Variants in CTNNBL1 observed in about 807,000 individuals in gnomAD.
CTNNBL1 encodes beta-catenin-like protein 1.
In CTNNBL1, 31 loss-of-function variants were observed where a neutral mutation model predicts 72.7. The observed-to-expected ratio is 0.43, with a 90% CI of 0.32 to 0.58. The LOEUF is 0.58. Among genes scored for constraint, CTNNBL1 ranks in the 20% least tolerant of loss-of-function variants. CTNNBL1 has a pLI of 0.08. For missense variants in CTNNBL1, 534 were observed against 725.1 expected, an observed-to-expected ratio of 0.74 and a Z score of 3.03; for synonymous variants, 240 against 267.3, an observed-to-expected ratio of 0.90 and a Z score of 1.00.
chr20:37,754,969 G>C (rs531702353), intron 4 of CTNNBL1, among the ~76,000 whole-genome samples: 1 of 152,002 alleles, frequency 6.6e-6, no homozygotes, highest in South Asian at 2.1e-4. Context: ...CACCACACCT[G>C]TCTGATTTTT....
Position 37,872,039 on chromosome 20 carries a change from G to T in CTNNBL1, c.*26G>T. ...AGGCACCTTGGCCCTGCGCATCATG[G>T]ACTCTCTCAGCTTCCCTCCCAGGAT... is the stretch of plus-strand genomic sequence containing the variant. On this transcript the variant is annotated 3_prime_UTR_variant, in exon 16 of 16. Coordinates refer to ENST00000361383, the MANE Select transcript of CTNNBL1 (RefSeq NM_030877.5). The T allele has an allele frequency of 1.3e-6, 2 of 1,564,356 alleles. No individual in the cohort carries two copies. The highest frequency in any genetic ancestry group is 1.4e-5 in the African/African-American group (1 of 73,980).
Position 37,712,959 on chromosome 20 carries a change from C to T in CTNNBL1, c.30+18807C>T, listed in dbSNP as rs1294446591. Among the ~76,000 whole-genome samples, 5 of 152,168 alleles carry T rather than the reference C, an allele frequency of 3.3e-5. No individual in the cohort carries two copies. In the East Asian group the frequency reaches 5.8e-4, roughly 18 times the overall value. The stretch of plus-strand genomic sequence containing the variant: ...TTTTAAAAAATGGCTTAAGCACCAC[C>T]GGACCTGGGCAGTTTTTATAAGATT... On this transcript the variant is annotated intron_variant, in intron 1 of 15. Transcript: ENST00000361383.
chr20:37,699,991 C>A (rs760653753), intron 1 of CTNNBL1, among the ~76,000 whole-genome samples: 2 of 152,140 alleles, frequency 1.3e-5, no homozygotes, highest in African/African-American at 4.8e-5. Flanking sequence ...GGATTAAGTA[C>A]GCGACTCTCT....
chr20:37,865,582 C>T (rs1435954217), intron 15 of CTNNBL1, among the ~76,000 whole-genome samples: 1 of 152,174 alleles, frequency 6.6e-6, no homozygotes, highest in East Asian at 1.9e-4. Flanking sequence ...AGGGTTTCCG[C>T]AGGCAGCTAC....
At chr20:37,776,640 A>G (rs1176524033) in intron 7 of CTNNBL1, among the ~76,000 whole-genome samples, 1 of 152,204 alleles carries the variant, frequency 6.6e-6, no homozygotes, top group African/African-American at 2.4e-5. Context: ...CTACCGAAGC[A>G]ACACTGAGGA....
chr20:37,777,404 C>T lies in CTNNBL1; in HGVS notation c.810C>T (p.Leu270=), dbSNP rs760902122. ...GCAGTGAAGTGCTGGCCATATTGCT[C>T]CAGGACAATGATGGTGAGGCGCCCT... The part of the protein sequence containing the change: ...LYCSEVLAIL[L]QDNDENRELL... The change falls in exon 8 of 16, where the codon CTC becomes CTT. Residue 270 remains leucine, a synonymous_variant. Coordinates refer to ENST00000361383, the MANE Select transcript of CTNNBL1 (RefSeq NM_030877.5). 6 of 1,613,780 alleles carry T rather than the reference C, an allele frequency of 3.7e-6. No homozygotes were observed. Among genetic ancestry groups the T allele is most frequent in the Non-Finnish European group, 5.1e-6 (6 of 1,179,746 alleles).
chr20:37,780,774 A>C (rs946637075), intron 10 of CTNNBL1, among the ~76,000 whole-genome samples: 4 of 152,216 alleles, frequency 2.6e-5, no homozygotes, highest in African/African-American at 9.6e-5. Context: ...CTTGGAAACC[A>C]TAACTTTAAG....
At chr20:37,740,689 A>G (rs191098062) in intron 3 of CTNNBL1, among the ~76,000 whole-genome samples, 1 of 152,364 alleles carries the variant, frequency 6.6e-6, no homozygotes, top group Admixed American at 6.5e-5. Flanking sequence ...GGCAAATACA[A>G]GAATAGACAA....
At chr20:37,815,503 A>G (rs1306157780) in intron 11 of CTNNBL1, among the ~76,000 whole-genome samples, 1 of 152,018 alleles carries the variant, frequency 6.6e-6, no homozygotes, top group Non-Finnish European at 1.5e-5. Context: ...TTTTTGGTAG[A>G]GACGGGGTTT....
rs185221993 is a variant in CTNNBL1 at position 37,731,387 on chromosome 20, C to T, written c.31-1492C>T. Among the ~76,000 whole-genome samples the T allele has an allele frequency of 3.9e-3, 599 of 152,254 alleles. 6 individuals are homozygous for T. The highest frequency in any genetic ancestry group is 0.014 in the African/African-American group (565 of 41,550). On this transcript the variant is annotated intron_variant, in intron 1 of 15. Transcript: ENST00000361383. ...AGTAGCTGGGATTACAGGCATGCAC[C>T]ACCACGCCTGGCTAATTTTGTATTT... is the stretch of plus-strand genomic sequence containing the variant.
At chr20:37,739,175 G>C (rs963465210) in intron 3 of CTNNBL1, among the ~76,000 whole-genome samples, 2 of 151,962 alleles carry the variant, frequency 1.3e-5, no homozygotes, top group Non-Finnish European at 2.9e-5. Flanking sequence ...TGGTACATGA[G>C]TAGAGTGAAA....
chr20:37,745,649 CAG>C (rs1477267281), intron 3 of CTNNBL1, among the ~76,000 whole-genome samples: 1 of 152,136 alleles, frequency 6.6e-6, no homozygotes, highest in African/African-American at 2.4e-5. Flanking sequence ...AGTCTGACTC[CAG>C]AGTCAGTTTA....
chr20:37,707,610 G>A (rs1298457210), intron 1 of CTNNBL1, among the ~76,000 whole-genome samples: 1 of 152,210 alleles, frequency 6.6e-6, no homozygotes, highest in Non-Finnish European at 1.5e-5. Context: ...TCTGTCCAGA[G>A]CACTAAGACT....
At chr20:37,760,252 ACTTCT>A (rs2073404106) in intron 5 of CTNNBL1, among the ~76,000 whole-genome samples, 2 of 152,144 alleles carry the variant, frequency 1.3e-5, no homozygotes, top group Non-Finnish European at 2.9e-5. Context: ...ATGACTTTGG[ACTTCT>A]TGAGAATGAT....
At chr20:37,768,097 G>C in intron 7 of CTNNBL1, 53 bp downstream of exon 7, 1 of 1,443,882 alleles carries the variant, frequency 6.9e-7, no homozygotes. Context: ...CTCTGGGCTT[G>C]ATTGATGCTG....
At chr20:37,747,940 C>G (rs1311886420) in intron 4 of CTNNBL1, among the ~76,000 whole-genome samples, 1 of 152,178 alleles carries the variant, frequency 6.6e-6, no homozygotes, top group Non-Finnish European at 1.5e-5. Context: ...GTCACTGAAT[C>G]TGATTCGTGA....
At position 37,859,936 on chromosome 20, in the gene CTNNBL1, C is replaced by T. The variant is rs1233896643; in HGVS notation, c.1430C>T (p.Thr477Ile). The T allele has an allele frequency of 6.2e-7, 1 of 1,614,178 alleles. No homozygotes were observed. Among genetic ancestry groups the T allele is most frequent in the Non-Finnish European group, 8.5e-7 (1 of 1,180,022 alleles). Reference sequence around the variant, plus strand: ...CGAGGAGAGATCATCGACAATGACACCGAGGAGGAGTTCTACCTCCGGCGC... The same window carrying T: ...CGAGGAGAGATCATCGACAATGACATCGAGGAGGAGTTCTACCTCCGGCGC... ...VRRGEIIDND[T>I]EEEFYLRRLD... Residue 477 changes from threonine to isoleucine, a missense_variant, in exon 14 of 16, where the codon ACC becomes ATC. Physicochemically the swap from Thr to Ile is moderately conservative, Grantham distance 89. Transcript: ENST00000361383.
At chr20:37,804,780 G>A (rs563502277) in intron 11 of CTNNBL1, among the ~76,000 whole-genome samples, 1 of 152,382 alleles carries the variant, frequency 6.6e-6, no homozygotes, top group East Asian at 1.9e-4. Context: ...AGAGGAGGAA[G>A]TGACAGATTC....
chr20:37,815,969 TGCTGGGG>T (rs2072054687), intron 11 of CTNNBL1, among the ~76,000 whole-genome samples: 1 of 152,246 alleles, frequency 6.6e-6, no homozygotes, highest in African/African-American at 2.4e-5. Context: ...GCCTGCAGGT[TGCTGGGG>T]AAATGCTCTG....
Sources: gnomAD v4.1 joint callset for allele counts (sites outside exome capture counted in the v4.1 genomes callset) on GRCh38, gnomAD v4.1.1 for gene constraint, MANE v1.5 for transcripts, NCBI Gene and HGNC (gene_info 2026-07-23, HGNC 2026-07-21) for gene names.